The following PEX3 variants were observed in gnomAD, a reference collection of about 807,000 sequenced individuals.
PEX3 encodes peroxisomal biogenesis factor 3, also known as peroxin-3.
PEX3 carries 30 observed loss-of-function variants against 55.8 expected under a neutral mutation model. The ratio of observed to expected loss-of-function variants is 0.54; its 90% CI spans 0.40 to 0.73. PEX3 has a LOEUF of 0.73. Among genes scored for constraint, PEX3 ranks in the 30% least tolerant of loss-of-function variants. The probability of loss-of-function intolerance (pLI) is 0.00; values close to 1 mark genes in which losing one functional copy is unlikely to be tolerated. For synonymous variants in PEX3, 135 were observed against 148.4 expected (o/e 0.91, Z 0.66); for missense variants, 351 against 432.8 (o/e 0.81, Z 1.68).
At chr6:143,452,285 A>T (rs1375766059) in intron 1 of PEX3, among the ~76,000 whole-genome samples, 1 of 152,186 alleles carries the variant, frequency 6.6e-6, no homozygotes, top group African/African-American at 2.4e-5. Context: ...AATTTTGAAC[A>T]CCTTCGAGAA....
In PEX3 at chr6:143,472,313, T is replaced by C. The variant is rs1483939121; in HGVS notation, c.732T>C (p.Thr244=). 1 of 1,608,480 alleles carries C rather than the reference T, an allele frequency of 6.2e-7. No homozygotes were observed. The highest frequency in any genetic ancestry group is 8.5e-7 in the Non-Finnish European group (1 of 1,175,526). ...LCHYMMPDEE[T]PLAVQACGLS... ...ATTATATGATGCCAGATGAAGAAAC[T>C]CCATTAGCAGTGCAGGTGCTTAATT... The change falls in exon 8 of 12, where the codon ACT becomes ACC. Residue 244 remains threonine (T), a synonymous_variant. Coordinates refer to ENST00000367591, the MANE Select transcript of PEX3 (RefSeq NM_003630.3).
Position 143,462,161 on chromosome 6 carries a change from A to C in PEX3, c.206-755A>C, listed in dbSNP as rs1394011885. On this transcript the variant is annotated intron_variant, in intron 2 of 11. Coordinates refer to ENST00000367591, the MANE Select transcript of PEX3 (RefSeq NM_003630.3). The surrounding 1 kb of genome is among the most constrained non-coding windows in gnomAD (Gnocchi z 4.1). Reference sequence around the variant, plus strand: ...AAATCACATGAAGTTTTTTTCCCATAGATTGCTAGTCTCATTTCATCTTCA... The same window carrying C: ...AAATCACATGAAGTTTTTTTCCCATCGATTGCTAGTCTCATTTCATCTTCA... 6.6e-6 allele frequency among the ~76,000 whole-genome samples: 1 copy of C among 152,166 alleles called. No homozygotes were observed. The highest frequency in any genetic ancestry group is 2.4e-5 in the African/African-American group (1 of 41,422).
At chr6:143,484,480 T>TTTTC (rs1780287211) in intron 10 of PEX3, among the ~76,000 whole-genome samples, 1 of 152,112 alleles carries the variant, frequency 6.6e-6, no homozygotes, top group African/African-American at 2.4e-5. Flanking sequence ...GTGCCAGGGA[T>TTTTC]AATGCCCATA....
At chr6:143,477,427 G>A (rs1198780375) in intron 9 of PEX3, among the ~76,000 whole-genome samples, 1 of 78,228 alleles carries the variant, frequency 1.3e-5, no homozygotes, top group Non-Finnish European at 2.5e-5. Context: ...AAAAATTGAT[G>A]TAGAAAAGCT....
At position 143,479,779 on chromosome 6, in the gene PEX3, G is replaced by GT. The variant is rs1357787743; in HGVS notation, c.941+587dup. Among the ~76,000 whole-genome samples, 1 of 151,918 alleles carries GT rather than the reference G, an allele frequency of 6.6e-6. No individual in the cohort carries two copies. Among genetic ancestry groups the GT allele is most frequent in the Non-Finnish European group, 1.5e-5 (1 of 67,938 alleles). On this transcript the variant is annotated intron_variant, in intron 10 of 11. Coordinates refer to ENST00000367591, the MANE Select transcript of PEX3 (RefSeq NM_003630.3). The surrounding 1 kb of genome is among the most constrained non-coding windows in gnomAD (Gnocchi z 4.6). The stretch of plus-strand genomic sequence containing the variant: ...TATGTATGCCATAAGGTATCTTACG[G>GT]TTTTTTATATCTTTGTTATCCCAAC...
Position 143,471,517 on chromosome 6 carries a change from A to T in PEX3, c.524-40A>T, listed in dbSNP as rs374172558. The T allele has an allele frequency of 3.5e-4, 547 of 1,578,380 alleles. 1 individual carries two copies. Among genetic ancestry groups the T allele is most frequent in the Non-Finnish European group, 4.5e-4 (516 of 1,148,656 alleles). On this transcript the variant is annotated intron_variant, in intron 6 of 11. Transcript: ENST00000367591. The surrounding 1 kb of genome is among the most constrained non-coding windows in gnomAD (Gnocchi z 5.4). ...TTATTTTTATTATTGAGGAATTTTT[A>T]AACTAAGCAAGGCTTTTAGGTTTGT... is the stretch of plus-strand genomic sequence containing the variant.
chr6:143,455,641 A>C (rs115207973), intron 1 of PEX3, among the ~76,000 whole-genome samples: 1,673 of 152,226 alleles, frequency 0.011, 26 homozygotes, highest in African/African-American at 0.038. Flanking sequence ...GGATTCTAAA[A>C]ACATGAGTGA....
At chr6:143,473,378 G>A (rs760937221) in intron 8 of PEX3, among the ~76,000 whole-genome samples, 3 of 152,124 alleles carry the variant, frequency 2.0e-5, no homozygotes, top group African/African-American at 7.2e-5. Flanking sequence ...TCAAGGAGAC[G>A]CAATAAGAGT....
In PEX3 at chr6:143,488,119, A is replaced by G. The variant is rs536432166; in HGVS notation, c.1039-1024A>G. Among the ~76,000 whole-genome samples, 19 of 152,166 alleles carry G rather than the reference A, an allele frequency of 1.2e-4. 1 individual carries two copies. In the South Asian group the frequency reaches 3.9e-3, roughly 32 times the overall value. ...GAATACTTGAAACTAAATAACATCA[A>G]ATTCTCTGATGAGATAATTTAACCA... On this transcript the variant is annotated intron_variant, in intron 11 of 11. Transcript: ENST00000367591. This position sits in a 1 kb window ranked among gnomAD's most constrained non-coding sequence, Gnocchi z 4.9.
Position 143,487,251 on chromosome 6 carries a change from T to C in PEX3, c.1039-1892T>C, listed in dbSNP as rs766409130. On this transcript the variant is annotated intron_variant, in intron 11 of 11. Transcript: ENST00000367591. The surrounding 1 kb of genome is among the most constrained non-coding windows in gnomAD (Gnocchi z 5.3). ...AAACATCCTAGAAGCTGCATCAGGA[T>C]ACAGTATTTGAACAGATTAAAGTCT... Among the ~76,000 whole-genome samples the C allele has an allele frequency of 6.6e-5, 10 of 152,180 alleles. No individual in the cohort carries two copies. Among genetic ancestry groups the C allele is most frequent in the Non-Finnish European group, 1.2e-4 (8 of 68,010 alleles).
Position 143,451,170 on chromosome 6 carries a change from ACTT to A in PEX3, c.73+61_73+63del, listed in dbSNP as rs1032005266. The A allele has an allele frequency of 1.1e-5, 14 of 1,231,946 alleles. No individual in the cohort carries two copies. Among genetic ancestry groups the A allele is most frequent in the Middle Eastern group, 1.9e-4 (1 of 5,338 alleles). 76.3% of individuals were successfully genotyped at this position (1,231,946 alleles called of 1,614,324 possible). The stretch of plus-strand genomic sequence containing the variant: ...TTGGGAGAAGGGGGTGGGAGAGGTG[ACTT>A]CTTCTAAAATAAGGACAGGCCGGGC... On this transcript the variant is annotated intron_variant, in intron 1 of 11. Transcript: ENST00000367591. The surrounding 1 kb of genome is among the most constrained non-coding windows in gnomAD (Gnocchi z 4.1).
chr6:143,480,188 TA>T (rs1451570113), intron 10 of PEX3, among the ~76,000 whole-genome samples: 2 of 152,124 alleles, frequency 1.3e-5, no homozygotes, highest in Non-Finnish European at 2.9e-5. Context: ...ATAAAATCTT[TA>T]AAAAAATTTT....
chr6:143,482,247 T>A lies in PEX3; in HGVS notation c.942-2905T>A, dbSNP rs760104997. 6.6e-6 allele frequency among the ~76,000 whole-genome samples: 1 copy of A among 152,132 alleles called. No individual in the cohort carries two copies. Among genetic ancestry groups the A allele is most frequent in the Non-Finnish European group, 1.5e-5 (1 of 68,012 alleles). On this transcript the variant is annotated intron_variant, in intron 10 of 11. Transcript: ENST00000367591. This position sits in a 1 kb window ranked among gnomAD's most constrained non-coding sequence, Gnocchi z 5.5. Reference sequence around the variant, plus strand: ...CGAAAAAAGAAAGAAAATAGACAATTTACTGAGTGTTCTTACCATTTTAAT... The same window carrying A: ...CGAAAAAAGAAAGAAAATAGACAATATACTGAGTGTTCTTACCATTTTAAT...
Position 143,462,844 on chromosome 6 carries a change from A to G in PEX3, c.206-72A>G. 8.7e-7 allele frequency: 1 copy of G among 1,144,648 alleles called. No homozygotes were observed. Among genetic ancestry groups the G allele is most frequent in the South Asian group, 1.2e-5 (1 of 81,472 alleles). 70.9% of individuals were successfully genotyped at this position (1,144,648 alleles called of 1,614,324 possible). A position where few individuals can be genotyped will look rare whatever the true frequency, so the allele number is the denominator to read the frequency against. On this transcript the variant is annotated intron_variant, in intron 2 of 11. Coordinates refer to ENST00000367591, the MANE Select transcript of PEX3 (RefSeq NM_003630.3). The surrounding 1 kb of genome is among the most constrained non-coding windows in gnomAD (Gnocchi z 4.1). ...TGCTAGCCCTATCATATAGCCTAAAACAATGCGCATTTCTTAGTGAGGGCA... is the reference window on the plus strand; with the variant it reads ...TGCTAGCCCTATCATATAGCCTAAAGCAATGCGCATTTCTTAGTGAGGGCA...
At chr6:143,467,893 T>C (rs1318278556) in intron 3 of PEX3, among the ~76,000 whole-genome samples, 1 of 152,184 alleles carries the variant, frequency 6.6e-6, no homozygotes, top group Non-Finnish European at 1.5e-5. Context: ...TATCTATACA[T>C]AACACTCAAG....
chr6:143,461,434 G>A (rs1389046689), intron 2 of PEX3, among the ~76,000 whole-genome samples: 1 of 152,134 alleles, frequency 6.6e-6, no homozygotes, highest in East Asian at 1.9e-4. Context: ...ATCTCTAAGA[G>A]CCAAAATATA....
chr6:143,474,999 A>G (rs1780133438), intron 9 of PEX3, 143 bp downstream of exon 9: 3 of 537,092 alleles, frequency 5.6e-6, no homozygotes, highest in Non-Finnish European at 9.8e-6. Context: ...GCCTTTAGAT[A>G]AGATTTCCTA....
rs1311180005 is a variant in PEX3 at position 143,487,336 on chromosome 6, G to C, written c.1039-1807G>C. Among the ~76,000 whole-genome samples, 1 of 152,082 alleles carries C rather than the reference G, an allele frequency of 6.6e-6. No homozygotes were observed. The highest frequency in any genetic ancestry group is 1.9e-4 in the East Asian group (1 of 5,198). Reference sequence around the variant, plus strand: ...ATGAGCCAAATCCAGCCAAGCACCAGCTTTTGTAAGTTTTATTGGGTGACA... The same window carrying C: ...ATGAGCCAAATCCAGCCAAGCACCACCTTTTGTAAGTTTTATTGGGTGACA... On this transcript the variant is annotated intron_variant, in intron 11 of 11. Coordinates refer to ENST00000367591, the MANE Select transcript of PEX3 (RefSeq NM_003630.3). The surrounding 1 kb of genome is among the most constrained non-coding windows in gnomAD (Gnocchi z 5.3).
chr6:143,466,715 A>T lies in PEX3; in HGVS notation c.288-1407A>T, dbSNP rs944972166. ...CCACAAGATATATTGCTATATTTTT[A>T]AAAAGGTAAAGAAAAATGTGTATAA... On this transcript the variant is annotated intron_variant, in intron 3 of 11. Coordinates refer to ENST00000367591, the MANE Select transcript of PEX3 (RefSeq NM_003630.3). The surrounding 1 kb of genome is among the most constrained non-coding windows in gnomAD (Gnocchi z 5.4). Among the ~76,000 whole-genome samples the T allele has an allele frequency of 2.6e-5, 4 of 152,154 alleles. No homozygotes were observed. The highest frequency in any genetic ancestry group is 2.1e-4 in the South Asian group (1 of 4,826).
Sources: gnomAD v4.1 joint callset for allele counts (sites outside exome capture counted in the v4.1 genomes callset) on GRCh38, gnomAD v4.1.1 for gene constraint, Gnocchi (gnomAD v3.1) non-coding constraint, MANE v1.5 for transcripts, NCBI Gene and HGNC (gene_info 2026-07-23, HGNC 2026-07-21) for gene names.